SLC25A12: variants seen among roughly 807,000 people sequenced by gnomAD.
SLC25A12 encodes the protein electrogenic aspartate/glutamate antiporter SLC25A12, mitochondrial.
SLC25A12 carries 32 observed loss-of-function variants against 83.3 expected under a neutral mutation model. The observed-to-expected ratio is 0.38, with a 90% CI of 0.29 to 0.52. The LOEUF (loss-of-function observed/expected upper bound fraction) is 0.52. Among genes scored for constraint, SLC25A12 ranks in the 20% least tolerant of loss-of-function variants. The pLI is 0.84. For synonymous variants in SLC25A12, 267 were observed against 291.1 expected (o/e 0.92, Z 0.84); for missense variants, 611 against 835.6 (o/e 0.73, Z 3.31).
intron 3 of SLC25A12, among the ~76,000 whole-genome samples, chr2:171,859,435 G>A (rs560993286): frequency 6.6e-6 from 1 of 152,290 alleles, no homozygotes; most frequent in South Asian, 2.1e-4. Context: ...TTGTGCCACT[G>A]CATTTCAGCC....
At chr2:171,879,572 A>C (rs1431612864) in intron 2 of SLC25A12, among the ~76,000 whole-genome samples, 1 of 152,186 alleles carries the variant, frequency 6.6e-6, no homozygotes, top group Non-Finnish European at 1.5e-5. Context: ...TAATGACCCA[A>C]AGAACCCAAT....
chr2:171,814,923 G>C (rs780079757), intron 10 of SLC25A12, among the ~76,000 whole-genome samples, 198 bp downstream of exon 10: 2 of 152,176 alleles, frequency 1.3e-5, no homozygotes, highest in Non-Finnish European at 2.9e-5. Flanking sequence ...CTGTCCTGAA[G>C]ACAGACTGGA....
intron 9 of SLC25A12, among the ~76,000 whole-genome samples, chr2:171,815,589 A>G (rs1371871266): frequency 6.6e-6 from 1 of 152,212 alleles, no homozygotes; most frequent in Non-Finnish European, 1.5e-5. Flanking sequence ...TTCTTTAACT[A>G]ACTTAAAATT....
In SLC25A12 at chr2:171,785,186, C is replaced by A; in HGVS notation, c.*88G>T. The A allele has an allele frequency of 2.6e-6, 3 of 1,167,374 alleles. No homozygotes were observed. Among genetic ancestry groups the A allele is most frequent in the Non-Finnish European group, 3.8e-6 (3 of 779,310 alleles). 72.3% of individuals were successfully genotyped at this position (1,167,374 alleles called of 1,614,324 possible). ...GTTTGACTCCTCAGCTCAGTCAGTA[C>A]CATGCAGCTGACTGGATACATTACA... On this transcript the variant is annotated 3_prime_UTR_variant, in exon 18 of 18. Coordinates refer to ENST00000422440, the MANE Select transcript of SLC25A12 (RefSeq NM_003705.5).
intron 2 of SLC25A12, among the ~76,000 whole-genome samples, chr2:171,879,452 G>A (rs539710631): frequency 1.3e-5 from 2 of 152,234 alleles, no homozygotes; most frequent in African/African-American, 2.4e-5. Flanking sequence ...TAACACAGCA[G>A]GGAGGTAAAG....
chr2:171,889,031 C>G (rs1282476464), intron 2 of SLC25A12, among the ~76,000 whole-genome samples: 2 of 152,188 alleles, frequency 1.3e-5, no homozygotes, highest in Non-Finnish European at 2.9e-5. Flanking sequence ...TTATATCCTT[C>G]TTGTGAAACT....
intron 15 of SLC25A12, among the ~76,000 whole-genome samples, chr2:171,790,581 G>C (rs895226487): frequency 1.3e-5 from 2 of 152,216 alleles, no homozygotes; most frequent in African/African-American, 4.8e-5. Flanking sequence ...GACATTTATT[G>C]AGCACCTATT....
At chr2:171,888,214 C>T (rs1685862588) in intron 2 of SLC25A12, among the ~76,000 whole-genome samples, 2 of 151,220 alleles carry the variant, frequency 1.3e-5, no homozygotes, top group South Asian at 2.1e-4. Flanking sequence ...CCCATCTCAG[C>T]TTCCAGAGCA....
chr2:171,849,516 A>G (rs1684872349), intron 4 of SLC25A12, among the ~76,000 whole-genome samples: 1 of 137,312 alleles, frequency 7.3e-6, no homozygotes, highest in Admixed American at 7.1e-5. Context: ...TCTTTTTATG[A>G]AAGTCTTTGT....
chr2:171,859,495 A>T (rs1012377192), intron 3 of SLC25A12, among the ~76,000 whole-genome samples: 1 of 152,230 alleles, frequency 6.6e-6, no homozygotes, highest in Non-Finnish European at 1.5e-5. Context: ...AACTGAGTAC[A>T]TTATTCAGCC....
chr2:171,866,479 T>C (rs1573994124), intron 3 of SLC25A12, among the ~76,000 whole-genome samples: 1 of 111,960 alleles, frequency 8.9e-6, no homozygotes, highest in Non-Finnish European at 1.9e-5. Flanking sequence ...CCCACCTCCC[T>C]CCCGGACGGG....
At chr2:171,829,405 C>T (rs983222123) in intron 8 of SLC25A12, among the ~76,000 whole-genome samples, 4 of 152,110 alleles carry the variant, frequency 2.6e-5, no homozygotes, top group Admixed American at 1.3e-4. Flanking sequence ...TTGTGGATGA[C>T]CTCCTTTTTG....
intron 4 of SLC25A12, among the ~76,000 whole-genome samples, chr2:171,854,709 G>A (rs955875266): frequency 6.6e-6 from 1 of 152,178 alleles, no homozygotes; most frequent in African/African-American, 2.4e-5. Context: ...TTACAGCCAA[G>A]GCACTACTGA....
At chr2:171,821,900 G>A (rs1684201255) in intron 9 of SLC25A12, among the ~76,000 whole-genome samples, 1 of 152,048 alleles carries the variant, frequency 6.6e-6, no homozygotes, top group African/African-American at 2.4e-5. Context: ...CAAAATCTCT[G>A]CCTATCTCCA....
intron 9 of SLC25A12, among the ~76,000 whole-genome samples, chr2:171,820,324 A>G (rs1295827860): frequency 6.6e-6 from 1 of 152,190 alleles, no homozygotes; most frequent in Admixed American, 6.5e-5. Flanking sequence ...GCTTTAATAT[A>G]ATTTCCCATA....
chr2:171,786,256 C>A (rs919291391), intron 17 of SLC25A12, among the ~76,000 whole-genome samples: 1 of 151,120 alleles, frequency 6.6e-6, no homozygotes, highest in African/African-American at 2.4e-5. Flanking sequence ...CGGTGGTGGG[C>A]GCCCTTAGTC....
intron 12 of SLC25A12, 125 bp downstream of exon 12, chr2:171,810,099 G>A: frequency 1.3e-6 from 1 of 795,178 alleles, no homozygotes; most frequent in Non-Finnish European, 2.2e-6. Context: ...GGTCTCAAGT[G>A]ATCCTCCCAC....
At position 171,834,650 on chromosome 2, in the gene SLC25A12, C is replaced by T. The variant is rs141977118; in HGVS notation, c.751+77G>A. ...CTAGATCTGGCTTTAGAGTGGTAAGCTTAGATCAACATCATGCCTCAGTGA... is the reference window on the plus strand; with the variant it reads ...CTAGATCTGGCTTTAGAGTGGTAAGTTTAGATCAACATCATGCCTCAGTGA... On this transcript the variant is annotated intron_variant, in intron 7 of 17. Transcript: ENST00000422440. 8.8e-5 allele frequency: 132 copies of T among 1,501,524 alleles called. 1 individual carries two copies. The East Asian group carries it at 3.0e-3, about 34-fold the overall frequency. 93.0% of individuals were successfully genotyped at this position (1,501,524 alleles called of 1,614,324 possible).
intron 13 of SLC25A12, among the ~76,000 whole-genome samples, chr2:171,806,691 A>C (rs1203908092): frequency 3.3e-5 from 5 of 152,180 alleles, no homozygotes; most frequent in African/African-American, 1.2e-4. Flanking sequence ...TGGGAAAAAA[A>C]GCCTAGAACT....
Sources: allele counts gnomAD v4.1 joint callset (sites outside exome capture counted in the v4.1 genomes callset), GRCh38; gene constraint gnomAD v4.1.1; transcripts MANE v1.5; gene names NCBI Gene and HGNC (gene_info 2026-07-23, HGNC 2026-07-21).